SGK1: variants seen among roughly 807,000 people sequenced by gnomAD.
SGK1 encodes serine/threonine-protein kinase Sgk1.
A neutral mutation model predicts 64.2 loss-of-function variants in SGK1; 26 were observed. The ratio of observed to expected loss-of-function variants is 0.40; its 90% CI spans 0.30 to 0.56. The LOEUF (loss-of-function observed/expected upper bound fraction) is 0.56, where lower values mean the gene tolerates loss of function less well. Among genes scored for constraint, SGK1 ranks in the 20% least tolerant of loss-of-function variants. The pLI is 0.38. For missense variants in SGK1, 519 were observed against 645.6 expected (o/e 0.80, Z 2.12); for synonymous variants, 265 against 239.7 (o/e 1.11, Z -0.98).
chr6:134,175,507 G>A (rs1257378398), intron 3 of SGK1: 3 of 1,440,558 alleles, frequency 2.1e-6, no homozygotes, highest in Middle Eastern at 1.9e-4. Context: ...CTGGGGAAGT[G>A]AGCCAAGCCC....
At chr6:134,202,827 G>A (rs996652143) in intron 3 of SGK1, among the ~76,000 whole-genome samples, 1 of 152,150 alleles carries the variant, frequency 6.6e-6, no homozygotes, top group African/African-American at 2.4e-5. Flanking sequence ...GCACTGTACT[G>A]TAGGGTTTAG....
intron 1 of SGK1, among the ~76,000 whole-genome samples, chr6:134,277,226 G>A (rs1777031340): frequency 6.6e-6 from 1 of 152,070 alleles, no homozygotes; most frequent in Non-Finnish European, 1.5e-5. Context: ...GGAGGCTGAG[G>A]CAGAAGAATT....
At chr6:134,247,094 T>A (rs766808843) in intron 2 of SGK1, among the ~76,000 whole-genome samples, 1 of 152,116 alleles carries the variant, frequency 6.6e-6, no homozygotes. Context: ...TTGTTCTTAC[T>A]GTCCCTTCTA....
At chr6:134,199,558 CAAA>C (rs369760659) in intron 3 of SGK1, among the ~76,000 whole-genome samples, 2 of 81,354 alleles carry the variant, frequency 2.5e-5, no homozygotes, top group East Asian at 4.4e-4. Context: ...GACTCTCTCT[CAAA>C]AAAAAAAAAA....
chr6:134,224,091 C>T (rs1776132791), intron 2 of SGK1, among the ~76,000 whole-genome samples: 1 of 152,138 alleles, frequency 6.6e-6, no homozygotes, highest in Non-Finnish European at 1.5e-5. Context: ...ATATGAAACA[C>T]ATGTTAAAAA....
Position 134,171,093 on chromosome 6 carries a change from G to A in SGK1, c.1253C>T (p.Ser418Phe). ...GAGGCCCTCCAGGAGGTGTCTTGCG[G>A]AATTTGTAATATTTGGTTTCAGCTG... is the stretch of plus-strand genomic sequence containing the variant. ...PLQLKPNITN[S>F]ARHLLEGLLQ... is the part of the protein sequence containing the mutation. Residue 418 changes from serine to phenylalanine, a missense_variant, in exon 12 of 14, where the codon TCC (serine) becomes TTC (phenylalanine). By Grantham distance (155) the Ser-to-Phe change is radical. This residue lies in a region of SGK1 where 278 missense variants were observed against 408.7 expected (regional missense o/e 0.68). Transcript: ENST00000367858. The A allele has an allele frequency of 6.2e-7, 1 of 1,614,146 alleles. No homozygotes were observed. The highest frequency in any genetic ancestry group is 8.5e-7 in the Non-Finnish European group (1 of 1,180,016).
chr6:134,262,867 C>G (rs959367501), intron 1 of SGK1, among the ~76,000 whole-genome samples: 2 of 151,760 alleles, frequency 1.3e-5, no homozygotes, highest in South Asian at 4.2e-4. Flanking sequence ...AATAGCGAAA[C>G]TTTGTCTCTA....
chr6:134,278,544 CA>C (rs1777049718), intron 1 of SGK1, among the ~76,000 whole-genome samples: 1 of 152,150 alleles, frequency 6.6e-6, no homozygotes, highest in Non-Finnish European at 1.5e-5. Context: ...CAGTTTTATA[CA>C]AAAACAGCTT....
chr6:134,267,203 T>C (rs1302277298), intron 1 of SGK1, among the ~76,000 whole-genome samples: 1 of 152,084 alleles, frequency 6.6e-6, no homozygotes, highest in African/African-American at 2.4e-5. Flanking sequence ...TTCATGTTAT[T>C]TTTATTTCTT....
At chr6:134,170,751 C>A in intron 13 of SGK1, 75 bp downstream of exon 13, 1 of 996,810 alleles carries the variant, frequency 1.0e-6, no homozygotes, top group Non-Finnish European at 1.5e-6. Context: ...CCTTCCAACC[C>A]TCCCCCAGAC....
chr6:134,317,181 C>A (rs944779572), intron 1 of SGK1, among the ~76,000 whole-genome samples: 3 of 152,112 alleles, frequency 2.0e-5, no homozygotes, highest in African/African-American at 7.2e-5. Context: ...GCCCAACCCC[C>A]TCCTCCCAAT....
chr6:134,299,279 C>T (rs1777410523), intron 1 of SGK1, among the ~76,000 whole-genome samples: 1 of 151,318 alleles, frequency 6.6e-6, no homozygotes, highest in Non-Finnish European at 1.5e-5. Flanking sequence ...GTGCAAGGAT[C>T]GCTTGAGCCA....
At chr6:134,202,192 A>G (rs78396695) in intron 3 of SGK1, among the ~76,000 whole-genome samples, 4,272 of 152,322 alleles carry the variant, frequency 0.028, 201 homozygotes, top group African/African-American at 0.096. Context: ...ACAAGAACCA[A>G]TATCTTTAAA....
At chr6:134,211,104 G>A (rs193167210) in intron 2 of SGK1, among the ~76,000 whole-genome samples, 125 of 150,662 alleles carry the variant, frequency 8.3e-4, no homozygotes, top group African/African-American at 2.8e-3. Flanking sequence ...CAGCCTGGGC[G>A]ACAGGGAGAC....
chr6:134,171,371 T>C (rs927417922), intron 11 of SGK1, 193 bp from the exon 12 acceptor site: 2 of 632,686 alleles, frequency 3.2e-6, no homozygotes, highest in Non-Finnish European at 5.5e-6. Context: ...TGTGTGTGTG[T>C]GTGGAGGGTG....
At chr6:134,193,958 A>G (rs1338061740) in intron 3 of SGK1, among the ~76,000 whole-genome samples, 3 of 151,978 alleles carry the variant, frequency 2.0e-5, no homozygotes, top group South Asian at 2.1e-4. Flanking sequence ...GGTGACACCA[A>G]CCTTGGACAG....
intron 1 of SGK1, among the ~76,000 whole-genome samples, chr6:134,287,591 T>G (rs896154626): frequency 1.3e-5 from 2 of 151,514 alleles, no homozygotes; most frequent in Non-Finnish European, 2.9e-5. Context: ...TGGTTTTTTA[T>G]ATTTAATATA....
intron 2 of SGK1, among the ~76,000 whole-genome samples, chr6:134,248,162 T>G (rs1397611003): frequency 6.6e-6 from 1 of 152,062 alleles, no homozygotes; most frequent in Non-Finnish European, 1.5e-5. Flanking sequence ...ATTAGTGTAG[T>G]TGATTAAAGC....
chr6:134,205,000 T>C (rs1246395773), intron 3 of SGK1, among the ~76,000 whole-genome samples: 1 of 152,058 alleles, frequency 6.6e-6, no homozygotes, highest in Non-Finnish European at 1.5e-5. Context: ...TCTCTGTTTC[T>C]CTCTTTCTCT....
Sources: allele counts gnomAD v4.1 joint callset (sites outside exome capture counted in the v4.1 genomes callset), GRCh38; gene constraint gnomAD v4.1.1; regional missense constraint gnomAD v4.1.1; transcripts MANE v1.5; gene names NCBI Gene and HGNC (gene_info 2026-07-23, HGNC 2026-07-21).